The following ZFHX3 variants were observed in gnomAD, a reference collection of about 807,000 sequenced individuals.
ZFHX3 encodes the protein zinc finger homeobox 3.
A neutral mutation model predicts 279.1 loss-of-function variants in ZFHX3; 42 were observed. That is an observed-to-expected ratio of 0.15 (90% confidence interval 0.12 to 0.19). The LOEUF (loss-of-function observed/expected upper bound fraction) is 0.19. Among genes scored for constraint, ZFHX3 ranks in the 10% least tolerant of loss-of-function variants. The probability of loss-of-function intolerance (pLI) is 1.00; values close to 1 mark genes in which losing one functional copy is unlikely to be tolerated. For missense variants in ZFHX3, 4,981 were observed against 4,754.0 expected, an observed-to-expected ratio of 1.05 and a Z score of -1.40; for synonymous variants, 2,293 against 1,957.8, an observed-to-expected ratio of 1.17 and a Z score of -4.52.
At chr16:73,668,127 GCAGATCTATGTGTGC>G (rs1219690798) in intron 2 of ZFHX3, among the ~76,000 whole-genome samples, 1 of 152,132 alleles carries the variant, frequency 6.6e-6, no homozygotes, top group African/African-American at 2.4e-5. Flanking sequence ...CTAAGCCAGT[GCAGATCTATGTGTGC>G]CAGACTATTT....
In ZFHX3 at chr16:73,801,756, G is replaced by A. The variant is rs148489601; in HGVS notation, c.-1608+89895C>T. ...TGTGCTGATGGGTCTACTTGACCCT[G>A]TTTTTATATGCGAGTGTGGTCATTG... On this transcript the variant is annotated intron_variant, in intron 1 of 17. Coordinates refer to the ZFHX3 transcript ENST00000641206. Among the ~76,000 whole-genome samples the A allele has an allele frequency of 2.0e-5, 3 of 152,302 alleles. No individual in the cohort carries two copies. In the East Asian group the frequency reaches 5.8e-4, roughly 29 times the overall value.
Position 72,797,009 on chromosome 16 carries a change from T to C in ZFHX3, c.5673A>G (p.Arg1891=). 6.2e-7 allele frequency: 1 copy of C among 1,614,082 alleles called. No individual in the cohort carries two copies. Among genetic ancestry groups the C allele is most frequent in the South Asian group, 1.1e-5 (1 of 91,072 alleles). ...CTCCCCCCTCGGCGCTGTCCCTCTC[T>C]CTCTGGCTTTCTTTTTCCTTTTCTT... is the stretch of plus-strand genomic sequence containing the variant. ...VIKEKEKESQ[R]ERDSAEGGEG... Residue 1891 remains arginine, a synonymous_variant, in exon 9 of 10, where the codon AGA becomes AGG. Transcript: ENST00000268489.
chr16:73,484,679 G>A (rs1464349659), intron 2 of ZFHX3, among the ~76,000 whole-genome samples: 1 of 152,194 alleles, frequency 6.6e-6, no homozygotes, highest in Non-Finnish European at 1.5e-5. Context: ...ACTTCCCAAA[G>A]CATTCTCTCC....
At chr16:73,575,988 C>T (rs549061635) in intron 2 of ZFHX3, among the ~76,000 whole-genome samples, 1 of 152,142 alleles carries the variant, frequency 6.6e-6, no homozygotes, top group African/African-American at 2.4e-5. Flanking sequence ...AGCCAAGCCC[C>T]GTCTTTCTCC....
At chr16:73,536,397 G>A (rs1319462035) in intron 2 of ZFHX3, among the ~76,000 whole-genome samples, 2 of 152,170 alleles carry the variant, frequency 1.3e-5, no homozygotes, top group Non-Finnish European at 2.9e-5. Flanking sequence ...ACATTGGCCA[G>A]TGTTACCCAA....
intron 3 of ZFHX3, among the ~76,000 whole-genome samples, chr16:72,922,930 G>C (rs1193149167): frequency 6.6e-6 from 1 of 152,072 alleles, no homozygotes; most frequent in Non-Finnish European, 1.5e-5. Flanking sequence ...CCTCAGATTA[G>C]AGCACTAAGT....
intron 1 of ZFHX3, among the ~76,000 whole-genome samples, chr16:73,002,072 T>C (rs899920542): frequency 2.0e-5 from 3 of 152,124 alleles, no homozygotes; most frequent in Non-Finnish European, 4.4e-5. Flanking sequence ...CTTTGGAATT[T>C]TAGGGTTGAA....
At chr16:72,982,026 G>A (rs146911800) in intron 1 of ZFHX3, among the ~76,000 whole-genome samples, 2,115 of 151,938 alleles carry the variant, frequency 0.014, 54 homozygotes, top group African/African-American at 0.049. Context: ...GGGATTACAC[G>A]CACCTACCAC....
At chr16:73,082,471 G>A (rs924758145) in intron 8 of ZFHX3, among the ~76,000 whole-genome samples, 24 of 151,910 alleles carry the variant, frequency 1.6e-4, no homozygotes, top group Admixed American at 3.3e-4. Context: ...GGGTTTCACC[G>A]TGTTAGCCAG....
intron 3 of ZFHX3, among the ~76,000 whole-genome samples, chr16:73,362,908 T>C (rs1037636370): frequency 2.2e-4 from 34 of 152,364 alleles, no homozygotes; most frequent in African/African-American, 7.9e-4. Flanking sequence ...CAAGTAAGAA[T>C]TGCTAAAGTA....
intron 4 of ZFHX3, among the ~76,000 whole-genome samples, chr16:72,836,245 G>A (rs957097348): frequency 1.2e-4 from 19 of 152,232 alleles, no homozygotes; most frequent in African/African-American, 4.3e-4. Flanking sequence ...GAGTCTCATC[G>A]AATAGTGACC....
chr16:73,352,068 C>T (rs574630721), intron 3 of ZFHX3, among the ~76,000 whole-genome samples: 1 of 152,334 alleles, frequency 6.6e-6, no homozygotes, highest in East Asian at 1.9e-4. Context: ...TGTTCCTTCC[C>T]ATTCATCACT....
At chr16:73,473,433 G>A (rs1258426966) in intron 2 of ZFHX3, among the ~76,000 whole-genome samples, 1 of 151,842 alleles carries the variant, frequency 6.6e-6, no homozygotes, top group African/African-American at 2.4e-5. Context: ...AATGGGAGGG[G>A]AGGCGAAAAT....
intron 1 of ZFHX3, chr16:73,815,717 A>G (rs560687101): frequency 6.6e-6 from 1 of 152,140 alleles, no homozygotes; most frequent in Admixed American, 6.5e-5. Context: ...ATGTGCCACC[A>G]CGCCCGGTTA....
At chr16:73,291,257 T>G (rs2014761611) in intron 4 of ZFHX3, among the ~76,000 whole-genome samples, 2 of 152,154 alleles carry the variant, frequency 1.3e-5, no homozygotes, top group African/African-American at 2.4e-5. Flanking sequence ...TTCCCCATCT[T>G]CATCCCCACT....
In ZFHX3 at chr16:73,822,499, T is replaced by C. The variant is rs117331045; in HGVS notation, c.-1608+69152A>G. Reference sequence around the variant, plus strand: ...GTGGCTTTTCTCAGGTTGACTGTCATTGAAAAGCTGCTTTTGCTTTTTTTT... The same window carrying C: ...GTGGCTTTTCTCAGGTTGACTGTCACTGAAAAGCTGCTTTTGCTTTTTTTT... On this transcript the variant is annotated intron_variant, in intron 1 of 17. Coordinates refer to the ZFHX3 transcript ENST00000641206. Among the ~76,000 whole-genome samples the C allele has an allele frequency of 2.6e-5, 4 of 151,798 alleles. No homozygotes were observed. In the East Asian group the frequency reaches 7.7e-4, roughly 29 times the overall value.
intron 3 of ZFHX3, among the ~76,000 whole-genome samples, chr16:73,320,003 C>T (rs1399684312): frequency 6.6e-6 from 1 of 152,046 alleles, no homozygotes; most frequent in African/African-American, 2.4e-5. Context: ...TATGCTAAAG[C>T]GAGTCTTTAT....
chr16:73,844,562 A>G (rs1961395631), intron 1 of ZFHX3, among the ~76,000 whole-genome samples: 1 of 152,070 alleles, frequency 6.6e-6, no homozygotes, highest in African/African-American at 2.4e-5. Flanking sequence ...CATTTTATAG[A>G]TGAGAAAACT....
intron 2 of ZFHX3, among the ~76,000 whole-genome samples, chr16:73,627,983 G>T (rs796199939): frequency 6.6e-6 from 1 of 152,150 alleles, no homozygotes; most frequent in African/African-American, 2.4e-5. Context: ...GAAGAGGCAG[G>T]TTAAGCTAGT....
Sources: allele counts gnomAD v4.1 joint callset (sites outside exome capture counted in the v4.1 genomes callset), GRCh38; gene constraint gnomAD v4.1.1; transcripts MANE v1.5; gene names NCBI Gene and HGNC (gene_info 2026-07-23, HGNC 2026-07-21).